The following LIPA variants were observed in gnomAD, a reference collection of about 807,000 sequenced individuals.
The protein encoded by LIPA is lysosomal acid lipase/cholesteryl ester hydrolase.
LIPA carries 26 observed loss-of-function variants against 40.6 expected under a neutral mutation model. The observed-to-expected ratio is 0.64, with a 90% confidence interval of 0.47 to 0.89. The LOEUF (loss-of-function observed/expected upper bound fraction) is 0.89. LIPA is among the 40% of genes least tolerant of loss of function. The pLI, the probability that LIPA is intolerant of heterozygous loss-of-function variation, is 0.00. For synonymous variants in LIPA, 188 were observed against 168.4 expected (o/e 1.12, Z -0.90); for missense variants, 455 against 479.6 (o/e 0.95, Z 0.48).
Position 89,222,552 on chromosome 10 carries a change from G to A in LIPA, c.853C>T (p.Pro285Ser), listed in dbSNP as rs1564752079. The change falls in exon 8 of 10, where the codon CCT becomes TCT. Residue 285 changes from proline to serine, a missense_variant. Physicochemically the swap from Pro to Ser is moderately conservative, Grantham distance 74. Transcript: ENST00000336233. ...SRVDVYTTHS[P>S]AGTSVQNMLH... ...ATGTTTTGCACAGAAGTTCCAGCAG[G>A]AGAATGTGTTGTATATACATCCACT... The A allele has an allele frequency of 6.2e-7, 1 of 1,609,830 alleles. No homozygotes were observed. Among genetic ancestry groups the A allele is most frequent in the Non-Finnish European group, 8.5e-7 (1 of 1,176,104 alleles).
chr10:89,254,526 T>C (rs1334386437), upstream of LIPA, among the ~76,000 whole-genome samples: 1 of 152,230 alleles, frequency 6.6e-6, no homozygotes, highest in Non-Finnish European at 1.5e-5. Context: ...CCTCTGGGCC[T>C]GTGATGGGAG....
intron 2 of LIPA, among the ~76,000 whole-genome samples, chr10:89,361,759 G>A (rs923092532): frequency 6.6e-6 from 1 of 150,974 alleles, no homozygotes; most frequent in Non-Finnish European, 1.5e-5. Context: ...TGCAGGGACA[G>A]CACCAAACAC....
chr10:89,362,303 G>A (rs1296998407), intron 2 of LIPA: 2 of 152,768 alleles, frequency 1.3e-5, no homozygotes, highest in Non-Finnish European at 2.9e-5. Flanking sequence ...TAAAAATGCT[G>A]ATTATCATGG....
At chr10:89,384,510 T>A (rs1844190203) in intron 2 of LIPA, 1 of 1,613,928 alleles carries the variant, frequency 6.2e-7, no homozygotes, top group Admixed American at 1.7e-5. Context: ...ATAAAGCAAT[T>A]ACCCATTATT....
chr10:89,260,752 A>G (rs1843203396), intron 1 of LIPA, among the ~76,000 whole-genome samples: 1 of 152,208 alleles, frequency 6.6e-6, no homozygotes, highest in African/African-American at 2.4e-5. Context: ...GAGCACATAC[A>G]GGGCAGACTG....
At chr10:89,349,683 T>A (rs115979593) in intron 2 of LIPA, among the ~76,000 whole-genome samples, 2,941 of 151,920 alleles carry the variant, frequency 0.019, 42 homozygotes, top group African/African-American at 0.037. Context: ...CTGTCAGGAG[T>A]GGTTGGAGGG....
At position 89,245,785 on chromosome 10, in the gene LIPA, A is replaced by G; in HGVS notation, c.120T>C (p.Ile40=). ...CACTAGGGAATCCCCAGTAAGAGAT[A>G]ATTTCACTCTGTAGAGAAAAAGGAC... ...DPETNMNVSE[I]ISYWGFPSEE... The change falls in exon 3 of 10, where the codon ATT becomes ATC. Residue 40 remains isoleucine (I), a synonymous_variant. Coordinates refer to ENST00000336233, the MANE Select transcript of LIPA (RefSeq NM_000235.4). 1 of 1,519,462 alleles carries G rather than the reference A, an allele frequency of 6.6e-7. No homozygotes were observed. The highest frequency in any genetic ancestry group is 9.1e-7 in the Non-Finnish European group (1 of 1,093,642). The allele number at this position is 1,519,462 out of a possible 1,614,324, so 94.1% of individuals were successfully genotyped here.
rs77359437 is a variant in LIPA at position 89,377,538 on chromosome 10, T to C, written c.61+35253A>G. 4.3e-4 allele frequency among the ~76,000 whole-genome samples: 66 copies of C among 152,300 alleles called. No homozygotes were observed. The East Asian group carries it at 0.011, about 26-fold the overall frequency. ...CTTCTTATAGACCAATATCTCAAAA[T>C]TGAGGAGTTGTTTTGCCTAACACAG... On this transcript the variant is annotated intron_variant, in intron 2 of 8. Transcript: ENST00000371837.
At chr10:89,370,804 G>A (rs1349672776) in intron 2 of LIPA, among the ~76,000 whole-genome samples, 1 of 152,028 alleles carries the variant, frequency 6.6e-6, no homozygotes, top group East Asian at 1.9e-4. Context: ...GTCACCTGAG[G>A]TCAGGAGTTC....
rs575623947 is a variant in LIPA, at chr10:89,287,885, C to T, written c.-1-40236G>A. Among the ~76,000 whole-genome samples, 20 of 152,282 alleles carry T rather than the reference C, an allele frequency of 1.3e-4. 1 individual carries two copies. In the South Asian group the frequency reaches 3.7e-3, roughly 28 times the overall value. ...CCTATCCACCCTGTAGTGCCCAACT[C>T]GTACACTCTTTTGTCCTCAATACCT... On this transcript the variant is annotated intron_variant, in intron 1 of 5. Transcript: ENST00000282673.
At position 89,407,757 on chromosome 10, in the gene LIPA, G is replaced by A. The variant is rs117286113; in HGVS notation, c.61+5034C>T. 7.6e-3 allele frequency among the ~76,000 whole-genome samples: 1,151 copies of A among 152,158 alleles called. 32 individuals are homozygous for A. The East Asian group carries it at 0.091, about 12-fold the overall frequency. On this transcript the variant is annotated intron_variant, in intron 2 of 8. Coordinates refer to the LIPA transcript ENST00000371837. ...TCTAACAGGTTTTAGAGAATGCGTCGGTAAGGGCCGCTAAGTCCGATTTTT... is the reference window on the plus strand; with the variant it reads ...TCTAACAGGTTTTAGAGAATGCGTCAGTAAGGGCCGCTAAGTCCGATTTTT...
chr10:89,248,334 G>A (rs1843060677), intron 1 of LIPA, among the ~76,000 whole-genome samples: 1 of 145,566 alleles, frequency 6.9e-6, no homozygotes, highest in African/African-American at 2.6e-5. Flanking sequence ...GCTAATTTTT[G>A]TATTTTTAGT....
intron 2 of LIPA, among the ~76,000 whole-genome samples, chr10:89,360,464 A>C (rs922059507): frequency 2.0e-5 from 3 of 152,250 alleles, no homozygotes; most frequent in Non-Finnish European, 4.4e-5. Context: ...GGCAAGGGAC[A>C]CATATACTCA....
chr10:89,243,133 C>A (rs866599748), intron 3 of LIPA, among the ~76,000 whole-genome samples: 2 of 152,130 alleles, frequency 1.3e-5, no homozygotes, highest in African/African-American at 4.8e-5. Flanking sequence ...GTGTGAAAGG[C>A]CTTCTCCATT....
At chr10:89,368,628 G>A (rs1230099774) in intron 2 of LIPA, among the ~76,000 whole-genome samples, 1 of 152,060 alleles carries the variant, frequency 6.6e-6, no homozygotes, top group East Asian at 1.9e-4. Flanking sequence ...TACTTATTGA[G>A]CTCTCAATGT....
chr10:89,338,354 C>A (rs1843781269), intron 1 of LIPA: 1 of 255,494 alleles, frequency 3.9e-6, no homozygotes, highest in African/African-American at 2.2e-5. Context: ...AGAAAAAGAC[C>A]AATGTCCTAG....
At chr10:89,396,436 G>A (rs1348564879) in intron 2 of LIPA, among the ~76,000 whole-genome samples, 2 of 152,210 alleles carry the variant, frequency 1.3e-5, no homozygotes, top group Non-Finnish European at 2.9e-5. Context: ...ACTGGAGAAG[G>A]TCAAAGGGGA....
intron 1 of LIPA, among the ~76,000 whole-genome samples, chr10:89,272,736 C>T (rs1439364813): frequency 1.3e-5 from 2 of 152,246 alleles, no homozygotes; most frequent in African/African-American, 4.8e-5. Flanking sequence ...GTTCCTTTCT[C>T]TCTACAACCT....
At chr10:89,394,986 CT>C (rs1564807916) in intron 2 of LIPA, among the ~76,000 whole-genome samples, 1 of 152,106 alleles carries the variant, frequency 6.6e-6, no homozygotes, top group Non-Finnish European at 1.5e-5. Context: ...CTAAGCATCC[CT>C]TTTTGAATAT....
Sources: allele counts gnomAD v4.1 joint callset (sites outside exome capture counted in the v4.1 genomes callset), GRCh38; gene constraint gnomAD v4.1.1; transcripts MANE v1.5; gene names NCBI Gene and HGNC (gene_info 2026-07-23, HGNC 2026-07-21).